The following MIDEAS variants were observed in gnomAD, a reference collection of about 807,000 sequenced individuals.
MIDEAS encodes mitotic deacetylase-associated SANT domain protein.
MIDEAS carries 26 observed loss-of-function variants against 102.7 expected under a neutral mutation model. That is an observed-to-expected ratio of 0.25 (90% CI 0.19 to 0.35). The LOEUF (loss-of-function observed/expected upper bound fraction) is 0.35. Among genes scored for constraint, MIDEAS ranks in the 10% least tolerant of loss-of-function variants. MIDEAS has a pLI of 1.00. For synonymous variants in MIDEAS, 585 were observed against 591.0 expected (o/e 0.99, Z 0.15); for missense variants, 1,231 against 1,435.6 (o/e 0.86, Z 2.30).
chr14:73,725,344 C>A lies in MIDEAS; in HGVS notation c.2502G>T (p.Lys834Asn). 2 of 1,614,086 alleles carry A rather than the reference C, an allele frequency of 1.2e-6. No individual in the cohort carries two copies. The highest frequency in any genetic ancestry group is 1.7e-6 in the Non-Finnish European group (2 of 1,179,944). Residue 834 changes from lysine to asparagine, a missense_variant, in exon 9 of 13, where the codon AAG becomes AAT. Physicochemically the swap from Lys to Asn is moderately conservative, Grantham distance 94 (BLOSUM62 0). Transcript: ENST00000423556. This position sits in a 1 kb window ranked among gnomAD's most constrained non-coding sequence, Gnocchi z 4.1. ...TYHYTGSDQWKMAERKLFNKG... is the reference protein window; with the variant it reads ...TYHYTGSDQWNMAERKLFNKG... Reference sequence around the variant, plus strand: ...TGTTGAACAGCTTCCTCTCGGCCATCTTCCACTGGTCAGAGCCTATGGGGC... The same window carrying A: ...TGTTGAACAGCTTCCTCTCGGCCATATTCCACTGGTCAGAGCCTATGGGGC...
At chr14:73,757,542 G>C (rs2053500444) in intron 1 of MIDEAS, among the ~76,000 whole-genome samples, 1 of 152,202 alleles carries the variant, frequency 6.6e-6, no homozygotes, top group Non-Finnish European at 1.5e-5. Flanking sequence ...ACAGCCTTCA[G>C]AAGTGGCATT....
intron 4 of MIDEAS, chr14:73,727,832 TG>T: frequency 6.7e-6 from 2 of 298,308 alleles, no homozygotes; most frequent in Non-Finnish European, 1.3e-5. Context: ...TTATTATTAC[TG>T]CTTCTACTAC....
chr14:73,721,565 C>A (rs2140095475), intron 10 of MIDEAS, 56 bp from the exon 11 acceptor site: 1 of 1,544,232 alleles, frequency 6.5e-7, no homozygotes, highest in South Asian at 1.1e-5. Flanking sequence ...ACTGCTGTAG[C>A]ACAGATTCTG....
chr14:73,730,018 C>A (rs199909970), intron 3 of MIDEAS, 33 bp from the exon 4 acceptor site: 1 of 1,545,632 alleles, frequency 6.5e-7, no homozygotes, highest in East Asian at 2.4e-5. Flanking sequence ...GACGGCTCAG[C>A]CCCCCGTGTC....
intron 1 of MIDEAS, among the ~76,000 whole-genome samples, chr14:73,756,426 T>C (rs1457584008): frequency 1.3e-5 from 2 of 152,190 alleles, no homozygotes; most frequent in African/African-American, 4.8e-5. Flanking sequence ...ATCCTGAATG[T>C]TGCTTCGAAT....
chr14:73,721,549 T>A (rs747985534), intron 10 of MIDEAS, 40 bp from the exon 11 acceptor site: 2 of 1,575,220 alleles, frequency 1.3e-6, no homozygotes, highest in Non-Finnish European at 1.7e-6. Flanking sequence ...CCTAGAGCTC[T>A]GTCTCACTGC....
intron 12 of MIDEAS, 69 bp downstream of exon 12, chr14:73,719,236 A>ACCCCAC (rs2052946654): frequency 4.8e-6 from 2 of 420,194 alleles, no homozygotes; most frequent in East Asian, 1.5e-4. Context: ...CCTCCCCTCC[A>ACCCCAC]CCCCACCCCC....
intron 1 of MIDEAS, among the ~76,000 whole-genome samples, chr14:73,771,209 G>C (rs1214216559): frequency 6.6e-6 from 1 of 152,152 alleles, no homozygotes; most frequent in Non-Finnish European, 1.5e-5. Flanking sequence ...ACTTCAATCT[G>C]ATCACAGAAG....
chr14:73,782,341 C>A (rs2053764667), intron 1 of MIDEAS, among the ~76,000 whole-genome samples: 1 of 152,118 alleles, frequency 6.6e-6, no homozygotes, highest in Non-Finnish European at 1.5e-5. Flanking sequence ...GGAAGCCTCA[C>A]TTTGCCCTCC....
At chr14:73,764,339 C>CAAAAAAAAAAAAAAAAAAA (rs5809629), upstream of MIDEAS, among the ~76,000 whole-genome samples, 4 of 88,258 alleles carry the variant, frequency 4.5e-5, no homozygotes, top group African/African-American at 8.9e-5. Context: ...GACCCTGTCT[C>CAAAAAAAAAAAAAAAAAAA]AAAAAAAAAA....
chr14:73,719,557 T>C, intron 11 of MIDEAS, 56 bp from the exon 12 acceptor site: 2 of 1,559,808 alleles, frequency 1.3e-6, no homozygotes, highest in Non-Finnish European at 1.7e-6. Flanking sequence ...AGATCTGGAA[T>C]TCTAAAATCG....
chr14:73,721,603 G>A, intron 10 of MIDEAS, 94 bp from the exon 11 acceptor site: 1 of 1,120,106 alleles, frequency 8.9e-7, no homozygotes, highest in Non-Finnish European at 1.3e-6. Context: ...ACCAGCCCCA[G>A]CTAGTCCTGC....
At chr14:73,763,663 A>G (rs79082874), upstream of MIDEAS, among the ~76,000 whole-genome samples, 221 of 152,276 alleles carry the variant, frequency 1.5e-3, no homozygotes, top group African/African-American at 5.1e-3. Context: ...CAAGTCCACA[A>G]TGCCAGCCAG....
At chr14:73,757,961 T>A (rs1371822031) in intron 1 of MIDEAS, among the ~76,000 whole-genome samples, 1 of 151,828 alleles carries the variant, frequency 6.6e-6, no homozygotes, top group Non-Finnish European at 1.5e-5. Context: ...GGAGTGGGGG[T>A]TCTGCTGGCA....
intron 1 of MIDEAS, among the ~76,000 whole-genome samples, chr14:73,774,749 C>G (rs1159642695): frequency 6.6e-6 from 1 of 151,968 alleles, no homozygotes; most frequent in Non-Finnish European, 1.5e-5. Flanking sequence ...AAGGTGGCAG[C>G]CCCACCAGCA....
intron 1 of MIDEAS, among the ~76,000 whole-genome samples, chr14:73,776,765 T>C (rs2053692366): frequency 6.6e-6 from 1 of 151,888 alleles, no homozygotes; most frequent in Admixed American, 6.6e-5. Flanking sequence ...GGCTGCAGCC[T>C]CCAGAGCCTT....
At chr14:73,771,361 C>A (rs1326444469) in intron 1 of MIDEAS, among the ~76,000 whole-genome samples, 1 of 152,236 alleles carries the variant, frequency 6.6e-6, no homozygotes, top group Non-Finnish European at 1.5e-5. Flanking sequence ...CCTGCGAACT[C>A]AAGGTACGCC....
intron 1 of MIDEAS, among the ~76,000 whole-genome samples, chr14:73,758,288 G>A (rs938671602): frequency 6.6e-6 from 1 of 152,224 alleles, no homozygotes; most frequent in East Asian, 1.9e-4. Flanking sequence ...TAACACCCAA[G>A]GAAAGGGTGC....
rs539379943 is a variant in MIDEAS, at chr14:73,756,088, G to C, written c.-248+3675C>G. On this transcript the variant is annotated intron_variant, in intron 1 of 12. Coordinates refer to ENST00000423556, the MANE Select transcript of MIDEAS (RefSeq NM_001367710.1). Reference sequence around the variant, plus strand: ...AGGTCTGCCCAGGCCTCATTCCCACGCACCCATCAGACTTCCTTCAGTCAC... The same window carrying C: ...AGGTCTGCCCAGGCCTCATTCCCACCCACCCATCAGACTTCCTTCAGTCAC... Among the ~76,000 whole-genome samples the C allele has an allele frequency of 2.3e-4, 35 of 152,250 alleles. 1 individual carries two copies. The South Asian group carries it at 7.1e-3, about 31-fold the overall frequency.
Sources: gnomAD v4.1 joint callset for allele counts (sites outside exome capture counted in the v4.1 genomes callset) on GRCh38, gnomAD v4.1.1 for gene constraint, Gnocchi (gnomAD v3.1) non-coding constraint, MANE v1.5 for transcripts, NCBI Gene and HGNC (gene_info 2026-07-23, HGNC 2026-07-21) for gene names.